The following ARB2A variants were observed in gnomAD, a reference collection of about 807,000 sequenced individuals.
ARB2A encodes the protein cotranscriptional regulator ARB2A.
At chr5:93,850,413 T>G in the ARB2A span, among the ~76,000 whole-genome samples, 1 of 152,144 alleles carries the variant, frequency 6.6e-6, no homozygotes, top group African/African-American at 2.4e-5. Context: ...TAGGTAGGTG[T>G]GCAGGTATGT....
the ARB2A span, chr5:93,683,272 G>A: frequency 1.9e-6 from 3 of 1,594,472 alleles, no homozygotes; most frequent in African/African-American, 1.4e-5. Flanking sequence ...GTGGAACCTT[G>A]CTACCACCTC....
the ARB2A span, among the ~76,000 whole-genome samples, chr5:94,004,455 G>T: frequency 6.6e-6 from 1 of 151,774 alleles, no homozygotes; most frequent in Admixed American, 6.6e-5. Flanking sequence ...TGTGGCAGGC[G>T]CCTGAAGTCC....
At chr5:93,981,647 T>G in the ARB2A span, among the ~76,000 whole-genome samples, 1 of 151,728 alleles carries the variant, frequency 6.6e-6, no homozygotes, top group African/African-American at 2.4e-5. Context: ...TAATATAATA[T>G]TTAATAAACA....
chr5:93,763,911 A>G, the ARB2A span, among the ~76,000 whole-genome samples: 1 of 152,240 alleles, frequency 6.6e-6, no homozygotes, highest in African/African-American at 2.4e-5. Context: ...AAACTGCTCA[A>G]CTACATGGAA....
chr5:94,002,664 T>C, the ARB2A span, among the ~76,000 whole-genome samples: 1 of 151,898 alleles, frequency 6.6e-6, no homozygotes, highest in Non-Finnish European at 1.5e-5. Context: ...AATAGTAACT[T>C]CCAAACTTCT....
At chr5:93,824,133 A>C in the ARB2A span, 2 of 1,556,112 alleles carry the variant, frequency 1.3e-6, no homozygotes, top group Admixed American at 1.9e-5. Context: ...TACAGAGAGT[A>C]AAATAAGCAC....
the ARB2A span, among the ~76,000 whole-genome samples, chr5:93,754,443 C>A: frequency 6.6e-6 from 1 of 152,170 alleles, no homozygotes; most frequent in South Asian, 2.1e-4. Context: ...ACTGAATGGG[C>A]ATACTTAAAG....
chr5:93,892,973 C>A, the ARB2A span, among the ~76,000 whole-genome samples: 3 of 152,064 alleles, frequency 2.0e-5, no homozygotes, highest in African/African-American at 7.2e-5. Context: ...TGGTTTTAAT[C>A]TTTGCATCAT....
At chr5:94,076,493 C>G in the ARB2A span, among the ~76,000 whole-genome samples, 2 of 152,182 alleles carry the variant, frequency 1.3e-5, no homozygotes, top group South Asian at 4.1e-4. Context: ...ATGGTCACTG[C>G]CCTCCTATGG....
chr5:93,928,917 A>G, the ARB2A span, among the ~76,000 whole-genome samples: 2 of 151,966 alleles, frequency 1.3e-5, no homozygotes, highest in Non-Finnish European at 2.9e-5. Context: ...TCTTTAACAT[A>G]TTTTCTGTAT....
At chr5:93,985,954 C>A in the ARB2A span, among the ~76,000 whole-genome samples, 1 of 151,526 alleles carries the variant, frequency 6.6e-6, no homozygotes, top group South Asian at 2.1e-4. Context: ...CTCTTCCCGG[C>A]CGTCATCCCA....
At chr5:93,750,986 A>G in the ARB2A span, among the ~76,000 whole-genome samples, 1 of 152,234 alleles carries the variant, frequency 6.6e-6, no homozygotes, top group African/African-American at 2.4e-5. Flanking sequence ...TGTTTACATT[A>G]CTTTCTTAAA....
the ARB2A span, among the ~76,000 whole-genome samples, chr5:93,729,065 A>G: frequency 6.6e-6 from 1 of 151,986 alleles, no homozygotes; most frequent in African/African-American, 2.4e-5. Flanking sequence ...AACTCCCTTC[A>G]CTTTTCCTCC....
At chr5:94,019,696 G>C in the ARB2A span, among the ~76,000 whole-genome samples, 1 of 152,312 alleles carries the variant, frequency 6.6e-6, no homozygotes, top group Admixed American at 6.5e-5. Context: ...GTGTAAACTA[G>C]TTCAACCATT....
At chr5:94,054,173 T>C in the ARB2A span, among the ~76,000 whole-genome samples, 1 of 152,226 alleles carries the variant, frequency 6.6e-6, no homozygotes, top group Non-Finnish European at 1.5e-5. Flanking sequence ...TATAACATCA[T>C]GTCACATTTG....
At chr5:93,940,230 T>C in the ARB2A span, among the ~76,000 whole-genome samples, 2 of 152,084 alleles carry the variant, frequency 1.3e-5, no homozygotes, top group Admixed American at 6.5e-5. Flanking sequence ...CATTTTAAAA[T>C]ATGAAAGTAC....
chr5:93,925,998 A>T, the ARB2A span, among the ~76,000 whole-genome samples: 4 of 152,330 alleles, frequency 2.6e-5, no homozygotes, highest in East Asian at 7.7e-4. Context: ...CAATATTAAG[A>T]TTTAAATCAC....
At chr5:94,011,067 T>C in the ARB2A span, among the ~76,000 whole-genome samples, 1 of 152,174 alleles carries the variant, frequency 6.6e-6, no homozygotes. Context: ...AGAACTCCAA[T>C]AGAGCACTTC....
the ARB2A span, among the ~76,000 whole-genome samples, chr5:93,753,172 CAT>C: frequency 2.6e-5 from 4 of 152,164 alleles, no homozygotes; most frequent in Non-Finnish European, 5.9e-5. Context: ...TGTCTAAAAA[CAT>C]ATTAGACAAC....
Sources: gnomAD v4.1 joint callset for allele counts (sites outside exome capture counted in the v4.1 genomes callset) on GRCh38, gnomAD v4.1.1 for gene constraint, MANE v1.5 for transcripts, NCBI Gene and HGNC (gene_info 2026-07-23, HGNC 2026-07-21) for gene names.